HIPK2: variants seen among roughly 807,000 people sequenced by gnomAD.
The protein encoded by HIPK2 is homeodomain-interacting protein kinase 2.
A neutral mutation model predicts 113.7 loss-of-function variants in HIPK2; 27 were observed. That is an observed-to-expected ratio of 0.24 (90% CI 0.17 to 0.33). The LOEUF (loss-of-function observed/expected upper bound fraction) is 0.33, where lower values mean the gene tolerates loss of function less well. Among genes scored for constraint, HIPK2 ranks in the 10% least tolerant of loss-of-function variants. HIPK2 has a pLI of 1.00. For synonymous variants in HIPK2, 631 were observed against 642.2 expected (o/e 0.98, Z 0.26); for missense variants, 1,257 against 1,588.0 (o/e 0.79, Z 3.54).
chr7:139,664,591 C>G (rs1241100430), intron 2 of HIPK2, among the ~76,000 whole-genome samples: 2 of 152,136 alleles, frequency 1.3e-5, no homozygotes, highest in African/African-American at 4.8e-5. Context: ...TTTTATTCCT[C>G]CCACATGGCT....
chr7:139,718,713 A>C (rs1795318176), intron 1 of HIPK2, among the ~76,000 whole-genome samples: 1 of 152,230 alleles, frequency 6.6e-6, no homozygotes, highest in African/African-American at 2.4e-5. Context: ...GTAGGAACTT[A>C]ATATGGCTGT....
chr7:139,745,135 A>C (rs1383299919), intron 1 of HIPK2, among the ~76,000 whole-genome samples: 1 of 152,218 alleles, frequency 6.6e-6, no homozygotes, highest in African/African-American at 2.4e-5. Flanking sequence ...TGGGGCATGC[A>C]GGTCAACAGG....
chr7:139,775,730 T>A (rs1796728927), intron 1 of HIPK2, among the ~76,000 whole-genome samples: 1 of 152,168 alleles, frequency 6.6e-6, no homozygotes, highest in Non-Finnish European at 1.5e-5. Context: ...CGTAAGGAAC[T>A]GGAAGAACAA....
intron 2 of HIPK2, among the ~76,000 whole-genome samples, chr7:139,709,875 C>A (rs10952346): frequency 0.17 from 25,435 of 152,120 alleles, 4,391 homozygotes; most frequent in African/African-American, 0.42. Context: ...CAAAAGAAAG[C>A]AAAATAAACA....
intron 2 of HIPK2, among the ~76,000 whole-genome samples, chr7:139,679,118 T>C (rs1802609709): frequency 6.6e-6 from 1 of 152,248 alleles, no homozygotes; most frequent in African/African-American, 2.4e-5. Context: ...GAGAGACGAT[T>C]TGATTTCCTC....
intron 9 of HIPK2, among the ~76,000 whole-genome samples, chr7:139,609,599 C>T (rs867849980): frequency 2.0e-5 from 3 of 152,098 alleles, no homozygotes; most frequent in Non-Finnish European, 4.4e-5. Flanking sequence ...TGTAGAAAAA[C>T]GAAGCCTTCA....
chr7:139,684,346 C>T (rs1217705033), intron 2 of HIPK2, among the ~76,000 whole-genome samples: 1 of 152,082 alleles, frequency 6.6e-6, no homozygotes, highest in Non-Finnish European at 1.5e-5. Context: ...AGTGTTCAAG[C>T]GAAAGAAAGA....
rs891573923 is a variant in HIPK2 at position 139,565,352 on chromosome 7, T to A, written c.*7575A>T. The stretch of plus-strand genomic sequence containing the variant: ...AACTTGTGTAAACTACCTAAGAATT[T>A]AGGCAAACAAGCCTGGAGCCAGTCA... On this transcript the variant is annotated 3_prime_UTR_variant, in exon 15 of 15. Coordinates refer to ENST00000406875, the MANE Select transcript of HIPK2 (RefSeq NM_022740.5). 6.6e-6 allele frequency: 1 copy of A among 152,114 alleles called. No individual in the cohort carries two copies. The highest frequency in any genetic ancestry group is 1.5e-5 in the Non-Finnish European group (1 of 68,038). The allele number at this position is 152,114 out of a possible 1,614,324, so 9.4% of individuals were successfully genotyped here.
chr7:139,676,144 C>A (rs1236777479), intron 2 of HIPK2, among the ~76,000 whole-genome samples: 2 of 152,176 alleles, frequency 1.3e-5, no homozygotes, highest in African/African-American at 2.4e-5. Context: ...AATACTAAGT[C>A]TTTTCGGCTT....
chr7:139,667,412 A>G lies in HIPK2; in HGVS notation c.1104-35687T>C, dbSNP rs569682357. Among the ~76,000 whole-genome samples the G allele has an allele frequency of 7.9e-5, 12 of 152,372 alleles. No individual in the cohort carries two copies. In the South Asian group the frequency reaches 2.3e-3, roughly 29 times the overall value. On this transcript the variant is annotated intron_variant, in intron 2 of 14. Transcript: ENST00000406875. ...AGGAATGAGATCATCAGGTAAAAGG[A>G]TATAAAAATATTCATGGCTGGGGAT...
intron 1 of HIPK2, among the ~76,000 whole-genome samples, chr7:139,770,136 T>G (rs989186321): frequency 6.6e-6 from 1 of 152,250 alleles, no homozygotes; most frequent in Admixed American, 6.5e-5. Flanking sequence ...TTGCTGTCTT[T>G]CTGTACAGTT....
In HIPK2 at chr7:139,716,273, A is replaced by T; in HGVS notation, c.762T>A (p.Ser254Arg). 1 of 1,614,036 alleles carries T rather than the reference A, an allele frequency of 6.2e-7. No individual in the cohort carries two copies. The highest frequency in any genetic ancestry group is 8.5e-7 in the Non-Finnish European group (1 of 1,180,006). Reference protein sequence around the residue: ...VSILARLSTESADDYNFVRAY... With the variant: ...VSILARLSTERADDYNFVRAY... ...CCCGGACGAAGTTATAGTCATCGGC[A>T]CTCTCCGTGCTCAACCGGGCCAGGA... Residue 254 changes from serine (S) to arginine (R), a missense_variant, in exon 2 of 15, where the codon AGT becomes AGA. Around this residue, in one of 5 missense-constraint regions of HIPK2, gnomAD observed 78 missense variants for 145.7 expected, o/e 0.54. Transcript: ENST00000406875. The surrounding 1 kb of genome is among the most constrained non-coding windows in gnomAD (Gnocchi z 9.3).
intron 2 of HIPK2, among the ~76,000 whole-genome samples, chr7:139,695,377 C>T (rs1448282505): frequency 6.6e-6 from 1 of 152,186 alleles, no homozygotes; most frequent in African/African-American, 2.4e-5. Context: ...CTTTCACCAC[C>T]CGCTAGTTAG....
chr7:139,593,212 C>T (rs75198590), intron 12 of HIPK2, among the ~76,000 whole-genome samples: 66 of 152,326 alleles, frequency 4.3e-4, no homozygotes, highest in African/African-American at 1.5e-3. Context: ...CTATTTAGAA[C>T]CTGTATCAAT....
intron 4 of HIPK2, 149 bp from the exon 5 acceptor site, chr7:139,629,188 T>A: frequency 1.5e-6 from 1 of 647,558 alleles, no homozygotes; most frequent in Non-Finnish European, 2.7e-6. Flanking sequence ...CACCTGCAAT[T>A]CCCTTCTCTC....
At chr7:139,744,758 G>A (rs1273488645) in intron 1 of HIPK2, among the ~76,000 whole-genome samples, 2 of 152,194 alleles carry the variant, frequency 1.3e-5, no homozygotes, top group African/African-American at 2.4e-5. Flanking sequence ...CTTACGGCAA[G>A]TGGATTTTAA....
chr7:139,594,137 C>T (rs1261260579), intron 12 of HIPK2, among the ~76,000 whole-genome samples: 1 of 152,216 alleles, frequency 6.6e-6, no homozygotes, highest in Non-Finnish European at 1.5e-5. Context: ...ACCTCCTCTA[C>T]TGTGTGGACC....
At chr7:139,741,961 A>C (rs1390084569) in intron 1 of HIPK2, among the ~76,000 whole-genome samples, 1 of 152,158 alleles carries the variant, frequency 6.6e-6, no homozygotes, top group Non-Finnish European at 1.5e-5. Flanking sequence ...TATCATCCTC[A>C]CCTTACAGAA....
At chr7:139,679,440 C>T (rs371361229) in intron 2 of HIPK2, among the ~76,000 whole-genome samples, 13 of 152,068 alleles carry the variant, frequency 8.5e-5, no homozygotes, top group African/African-American at 3.1e-4. Flanking sequence ...GATGTGGGTA[C>T]TTCGGGTAGA....
Sources: gnomAD v4.1 joint callset for allele counts (sites outside exome capture counted in the v4.1 genomes callset) on GRCh38, gnomAD v4.1.1 for gene constraint, gnomAD v4.1.1 regional missense constraint, Gnocchi (gnomAD v3.1) non-coding constraint, MANE v1.5 for transcripts, NCBI Gene and HGNC (gene_info 2026-07-23, HGNC 2026-07-21) for gene names.